TNS1: variants seen among roughly 807,000 people sequenced by gnomAD.
TNS1 encodes tensin-1.
Under a neutral mutation model 168.6 loss-of-function variants are expected in TNS1, and 62 were observed. That is an observed-to-expected ratio of 0.37 (90% CI 0.30 to 0.45). TNS1 has a LOEUF of 0.45. Ranked by LOEUF, TNS1 falls within the 20% of genes least tolerant of loss-of-function variation. The pLI, the probability that TNS1 is intolerant of heterozygous loss-of-function variation, is 1.00. For synonymous variants in TNS1, 934 were observed against 933.2 expected (o/e 1.00, Z -0.02); for missense variants, 2,240 against 2,339.4 (o/e 0.96, Z 0.88).
intron 4 of TNS1, among the ~76,000 whole-genome samples, 199 bp downstream of exon 4, chr2:217,919,996 G>A (rs1955549322): frequency 6.6e-6 from 1 of 152,208 alleles, no homozygotes; most frequent in African/African-American, 2.4e-5. Context: ...GAAATAGCAG[G>A]CACTGCATCT....
upstream of TNS1, among the ~76,000 whole-genome samples, chr2:218,007,567 G>GA (rs1491491003): frequency 1.3e-4 from 1 of 7,462 alleles, no homozygotes; most frequent in Non-Finnish European, 1.3e-3. Context: ...CTCGGGGGGT[G>GA]GGGGGGGGGG....
chr2:217,886,198 G>T, intron 13 of TNS1, 94 bp from the exon 14 acceptor site: 1 of 1,345,432 alleles, frequency 7.4e-7, no homozygotes, highest in African/African-American at 1.5e-5. Context: ...AGAAAGGAAG[G>T]AAGAAATGGG....
At chr2:217,893,391 T>C (rs1300433183) in intron 10 of TNS1, 48 bp downstream of exon 10, 4 of 1,490,844 alleles carry the variant, frequency 2.7e-6, no homozygotes. Context: ...TGTGCGCATG[T>C]GCGCGCGCGC....
In TNS1 at chr2:217,848,335, G is replaced by C; in HGVS notation, c.2182C>G (p.Pro728Ala). ...TGGGCATAGTGGGAGGTGGTCACTGGCTGTGGCCAGGCTGGGTGGGGCCCC... is the reference window on the plus strand; with the variant it reads ...TGGGCATAGTGGGAGGTGGTCACTGCCTGTGGCCAGGCTGGGTGGGGCCCC... ...REGPHPAWPQ[P>A]VTTSHYAHDP... The change falls in exon 19 of 33, where the codon CCA becomes GCA. Residue 728 changes from proline (P) to alanine (A), a missense_variant. Coordinates refer to ENST00000682258, the MANE Select transcript of TNS1 (RefSeq NM_001387777.1). 1 of 1,538,550 alleles carries C rather than the reference G, an allele frequency of 6.5e-7. No individual in the cohort carries two copies. The highest frequency in any genetic ancestry group is 8.8e-7 in the Non-Finnish European group (1 of 1,140,966).
In TNS1 at chr2:218,002,978, C is replaced by CTGAGT; in HGVS notation, c.-107_-106insACTCA. The stretch of plus-strand genomic sequence containing the variant: ...AGGGCTCTCTGAGTCCGCGGCTGCT[C>CTGAGT]CGGCTCCGCCAGCATCTGCTGGGCC... On this transcript the variant is annotated 5_prime_UTR_variant, in exon 1 of 33. An upstream open reading frame in the 5' UTR loses its in-frame stop. Transcript: ENST00000682258. 1 of 454,090 alleles carries CTGAGT rather than the reference C, an allele frequency of 2.2e-6. No individual in the cohort carries two copies. Among genetic ancestry groups the CTGAGT allele is most frequent in the Non-Finnish European group, 4.4e-6 (1 of 226,094 alleles). The allele number at this position is 454,090 out of a possible 1,614,324, so 28.1% of individuals were successfully genotyped here. A position where few individuals can be genotyped will look rare whatever the true frequency, so the allele number is the denominator to read the frequency against.
In TNS1 at chr2:217,897,855, C is replaced by G. The variant is rs59421454; in HGVS notation, c.486G>C (p.Arg162=). ...TCTGCGCCACCTCACGGAGGTTGCT[C>G]CGGAAGTTCTCCTCATTGGCTGTGC... The part of the protein sequence containing the change: ...FPSTANEENF[R]SNLREVAQML... The change falls in exon 8 of 33, where the codon CGG becomes CGC. Residue 162 remains arginine (R), a synonymous_variant. Coordinates refer to ENST00000682258, the MANE Select transcript of TNS1 (RefSeq NM_001387777.1). 5,427 of 1,613,426 alleles carry G rather than the reference C, an allele frequency of 3.4e-3. 158 individuals are homozygous for G. The African/African-American group carries it at 0.062, about 18-fold the overall frequency.
intron 3 of TNS1, among the ~76,000 whole-genome samples, chr2:217,946,994 C>CACACACACAGTTTTTACAGAG (rs1447178928): frequency 1.3e-5 from 2 of 151,010 alleles, no homozygotes; most frequent in African/African-American, 4.9e-5. Flanking sequence ...CACACACACA[C>CACACACACAGTTTTTACAGAG]AGTAAAAACT....
Position 217,813,546 on chromosome 2 carries a change from C to A in TNS1, c.4861+139G>T. ...CCCAATCTCTGACCTCAACCATCAC[C>A]AAGCCCAAGACACCCTCTTCCGAAG... On this transcript the variant is annotated intron_variant, in intron 26 of 32. Transcript: ENST00000682258. The surrounding 1 kb of genome is among the most constrained non-coding windows in gnomAD (Gnocchi z 4.0). 1 of 1,328,932 alleles carries A rather than the reference C, an allele frequency of 7.5e-7. No homozygotes were observed. Among genetic ancestry groups the A allele is most frequent in the Non-Finnish European group, 1.0e-6 (1 of 975,510 alleles). The allele number at this position is 1,328,932 out of a possible 1,614,324, so 82.3% of individuals were successfully genotyped here. A position where few individuals can be genotyped will look rare whatever the true frequency, so the allele number is the denominator to read the frequency against.
intron 4 of TNS1, among the ~76,000 whole-genome samples, chr2:217,911,684 G>T (rs577738841): frequency 1.3e-5 from 2 of 152,338 alleles, no homozygotes; most frequent in African/African-American, 4.8e-5. Context: ...GGGCCTGGGA[G>T]ATGTAGTGAC....
At position 218,002,935 on chromosome 2, in the gene TNS1, C is replaced by A. The variant is rs1438064689; in HGVS notation, c.-63G>T. On this transcript the variant is annotated 5_prime_UTR_variant, in exon 1 of 33. Coordinates refer to ENST00000682258, the MANE Select transcript of TNS1 (RefSeq NM_001387777.1). ...TGTGAAGAGCCCCTGAAGCTAGAGTCCCCGCGGCGCTGGCAGAAGGGCTCT... is the reference window on the plus strand; with the variant it reads ...TGTGAAGAGCCCCTGAAGCTAGAGTACCCGCGGCGCTGGCAGAAGGGCTCT... 4.4e-6 allele frequency: 2 copies of A among 456,312 alleles called. No individual in the cohort carries two copies. Among genetic ancestry groups the A allele is most frequent in the Non-Finnish European group, 8.8e-6 (2 of 226,910 alleles). 28.3% of individuals were successfully genotyped at this position (456,312 alleles called of 1,614,324 possible). A position where few individuals can be genotyped will look rare whatever the true frequency, so the allele number is the denominator to read the frequency against.
chr2:217,976,327 G>A (rs149062261), intron 3 of TNS1, among the ~76,000 whole-genome samples: 102 of 152,284 alleles, frequency 6.7e-4, no homozygotes, highest in African/African-American at 2.0e-3. Flanking sequence ...CAAGGTTGAC[G>A]AGGCTATAAA....
At chr2:217,841,310 G>T in intron 19 of TNS1, 2 of 984,012 alleles carry the variant, frequency 2.0e-6, no homozygotes, top group Non-Finnish European at 2.4e-6. Flanking sequence ...CCCCAGGGGA[G>T]CCAGCAGGGA....
intron 3 of TNS1, among the ~76,000 whole-genome samples, chr2:217,941,838 A>G (rs1956926866): frequency 6.6e-6 from 1 of 152,044 alleles, no homozygotes; most frequent in African/African-American, 2.4e-5. Flanking sequence ...CCAAGATTCC[A>G]CCTCTGAGGC....
intron 3 of TNS1, among the ~76,000 whole-genome samples, chr2:217,964,804 G>C (rs13013766): frequency 0.14 from 21,226 of 152,206 alleles, 1,544 homozygotes; most frequent in South Asian, 0.21. Flanking sequence ...GGCCGCGCCA[G>C]AGGAAACAGG....
chr2:217,950,439 G>C (rs1957211047), intron 3 of TNS1, among the ~76,000 whole-genome samples: 1 of 152,122 alleles, frequency 6.6e-6, no homozygotes, highest in South Asian at 2.1e-4. Flanking sequence ...GACAAGGCCA[G>C]GCCTGTGGGC....
At chr2:217,913,740 G>A (rs193083520) in intron 4 of TNS1, among the ~76,000 whole-genome samples, 1 of 151,812 alleles carries the variant, frequency 6.6e-6, no homozygotes, top group Admixed American at 6.6e-5. Context: ...TCCAATATCT[G>A]GCCCCTTCTC....
intron 3 of TNS1, 112 bp downstream of exon 3, chr2:217,978,653 G>A (rs1021043145): frequency 1.4e-5 from 9 of 631,438 alleles, no homozygotes; most frequent in Non-Finnish European, 2.6e-5. Flanking sequence ...AAGAGAGGAG[G>A]AGGGACGCCC....
At chr2:217,895,872 C>A (rs1952240194) in intron 8 of TNS1, among the ~76,000 whole-genome samples, 1 of 152,220 alleles carries the variant, frequency 6.6e-6, no homozygotes, top group African/African-American at 2.4e-5. Flanking sequence ...ACAGCCCAGT[C>A]TGGAATAGGC....
intron 12 of TNS1, among the ~76,000 whole-genome samples, chr2:217,887,791 C>T (rs1406729588): frequency 1.3e-5 from 2 of 152,222 alleles, no homozygotes; most frequent in South Asian, 2.1e-4. Context: ...TGGGCTCCAA[C>T]GCATCTGCCC....
Sources: gnomAD v4.1 joint callset for allele counts (sites outside exome capture counted in the v4.1 genomes callset) on GRCh38, gnomAD v4.1.1 for gene constraint, Gnocchi (gnomAD v3.1) non-coding constraint, MANE v1.5 for transcripts, NCBI Gene and HGNC (gene_info 2026-07-23, HGNC 2026-07-21) for gene names.